Variants in HOMER2 observed in about 807,000 individuals in gnomAD.
HOMER2 encodes homer protein homolog 2.
A neutral mutation model predicts 47.0 loss-of-function variants in HOMER2; 27 were observed. The ratio of observed to expected loss-of-function variants is 0.57; its 90% CI spans 0.42 to 0.79. The LOEUF is 0.79. Ranked by LOEUF, HOMER2 falls within the 30% of genes least tolerant of loss-of-function variation. The pLI is 0.00. For missense variants in HOMER2, 443 were observed against 435.0 expected (o/e 1.02, Z -0.16); for synonymous variants, 161 against 163.8 (o/e 0.98, Z 0.13).
intron 1 of HOMER2, among the ~76,000 whole-genome samples, chr15:82,976,527 G>C (rs1333169543): frequency 1.3e-5 from 2 of 151,914 alleles, no homozygotes; most frequent in Non-Finnish European, 2.9e-5. Flanking sequence ...TCGAACTCCT[G>C]ACCTCAGGTG....
rs1051936 is a variant in HOMER2, at chr15:82,859,073, G to T, written c.450C>A (p.His150Gln). ...KASHAGPANTHLKSENDKLKI... is the reference protein window; with the variant it reads ...KASHAGPANTQLKSENDKLKI... The stretch of plus-strand genomic sequence containing the variant: ...TCAGCTTGTCATTCTCAGACTTCAG[G>T]TGTGTGTTGGCTGGACCGGCGTGAG... The change falls in exon 5 of 9, where the codon CAC becomes CAA. Residue 150 changes from histidine to glutamine, a missense_variant. His to Gln is a conservative substitution (Grantham distance 24). Coordinates refer to ENST00000450735, the MANE Select transcript of HOMER2 (RefSeq NM_004839.4). The T allele has an allele frequency of 6.2e-7, 1 of 1,613,992 alleles. No homozygotes were observed. The highest frequency in any genetic ancestry group is 1.1e-5 in the South Asian group (1 of 91,082).
At chr15:82,957,422 T>G (rs560705112), upstream of HOMER2, among the ~76,000 whole-genome samples, 1 of 152,172 alleles carries the variant, frequency 6.6e-6, no homozygotes, top group African/African-American at 2.4e-5. Flanking sequence ...AAATTTTCAT[T>G]TATTGTGACT....
intron 1 of HOMER2, among the ~76,000 whole-genome samples, chr15:82,920,843 A>G (rs1408671471): frequency 6.6e-6 from 1 of 151,544 alleles, no homozygotes; most frequent in African/African-American, 2.4e-5. Context: ...GGGGTAAAAC[A>G]ATCTTTTTTT....
intron 6 of HOMER2, among the ~76,000 whole-genome samples, chr15:82,854,010 C>A (rs2151606579): frequency 6.6e-6 from 1 of 152,304 alleles, no homozygotes; most frequent in East Asian, 1.9e-4. Flanking sequence ...GGTCACTGAA[C>A]CACAGAAATG....
chr15:82,909,857 G>T (rs1331555567), intron 1 of HOMER2, among the ~76,000 whole-genome samples: 1 of 152,068 alleles, frequency 6.6e-6, no homozygotes, highest in Non-Finnish European at 1.5e-5. Flanking sequence ...TGTTTCAGCT[G>T]GGTGCGGTGG....
Position 82,919,502 on chromosome 15 carries a change from G to A in HOMER2, c.6-26661C>T, listed in dbSNP as rs1400932655. On this transcript the variant is annotated intron_variant, in intron 1 of 8. Transcript: ENST00000450735. ...TCTCATACATAATCATACATTACTA[G>A]TATAATAATCCAATTATCCAACTCT... is the stretch of plus-strand genomic sequence containing the variant. Among the ~76,000 whole-genome samples, 5 of 152,238 alleles carry A rather than the reference G, an allele frequency of 3.3e-5. No individual in the cohort carries two copies. The East Asian group carries it at 9.6e-4, about 29-fold the overall frequency.
At chr15:82,840,923 A>G (rs2151582534) in exon 2 of HOMER2, 1 of 152,254 alleles carries the variant, frequency 6.6e-6, no homozygotes, top group African/African-American at 2.4e-5. Flanking sequence ...AAATGTTTCC[A>G]GGGCATAGAA....
intron 6 of HOMER2, among the ~76,000 whole-genome samples, 195 bp downstream of exon 6, chr15:82,854,449 A>G (rs1301922897): frequency 6.6e-6 from 1 of 152,098 alleles, no homozygotes; most frequent in Non-Finnish European, 1.5e-5. Flanking sequence ...TAATGAGTCA[A>G]TTATGTACGT....
downstream of HOMER2, chr15:82,844,509 GATT>G (rs2151586517): frequency 6.6e-6 from 1 of 152,188 alleles, no homozygotes; most frequent in African/African-American, 2.4e-5. Flanking sequence ...TGTATAATAT[GATT>G]ATATTTCATG....
At chr15:82,890,552 C>G (rs1050625582) in intron 2 of HOMER2, among the ~76,000 whole-genome samples, 1 of 152,172 alleles carries the variant, frequency 6.6e-6, no homozygotes, top group Non-Finnish European at 1.5e-5. Flanking sequence ...CCCTCCCACA[C>G]CCATCTGATT....
At chr15:82,843,626 T>C (rs944657952) in exon 2 of HOMER2, 3 of 151,808 alleles carry the variant, frequency 2.0e-5, no homozygotes, top group African/African-American at 7.3e-5. Flanking sequence ...TGTTTTACAA[T>C]GTTTATGAAA....
chr15:82,951,897 C>T, intron 1 of HOMER2: 1 of 240,214 alleles, frequency 4.2e-6, no homozygotes, highest in African/African-American at 2.3e-5. Flanking sequence ...AGAGAGACGC[C>T]GAGGGGAAAG....
chr15:82,976,379 C>T (rs1490849380), intron 1 of HOMER2, among the ~76,000 whole-genome samples: 1 of 152,022 alleles, frequency 6.6e-6, no homozygotes, highest in African/African-American at 2.4e-5. Flanking sequence ...CTCATTGCAA[C>T]CTCCGCACCC....
At chr15:82,859,911 G>A (rs1189776521) in intron 4 of HOMER2, among the ~76,000 whole-genome samples, 2 of 152,006 alleles carry the variant, frequency 1.3e-5, no homozygotes, top group African/African-American at 4.8e-5. Flanking sequence ...AAAAACCCGG[G>A]GGGTGGGGAG....
chr15:82,910,730 C>A (rs2053428252), intron 1 of HOMER2, among the ~76,000 whole-genome samples: 1 of 152,206 alleles, frequency 6.6e-6, no homozygotes, highest in African/African-American at 2.4e-5. Flanking sequence ...TTGCTCCCTT[C>A]TAAATTCCTC....
exon 2 of HOMER2, chr15:82,840,756 A>C (rs570517944): frequency 6.6e-6 from 1 of 152,256 alleles, no homozygotes; most frequent in African/African-American, 2.4e-5. Context: ...AAATTGCCAA[A>C]AACTTACAGA....
chr15:82,939,252 G>C (rs1239082347), intron 1 of HOMER2, among the ~76,000 whole-genome samples: 1 of 152,142 alleles, frequency 6.6e-6, no homozygotes, highest in African/African-American at 2.4e-5. Flanking sequence ...GCACAGCCTA[G>C]AAACATACAC....
At chr15:82,947,757 T>A (rs1369389378) in intron 1 of HOMER2, among the ~76,000 whole-genome samples, 1 of 152,194 alleles carries the variant, frequency 6.6e-6, no homozygotes, top group African/African-American at 2.4e-5. Flanking sequence ...CAGGCCAGCA[T>A]CCAAGCAAGG....
At chr15:82,929,036 G>C (rs2053936000) in intron 1 of HOMER2, among the ~76,000 whole-genome samples, 1 of 145,220 alleles carries the variant, frequency 6.9e-6, no homozygotes, top group African/African-American at 2.6e-5. Context: ...GTATGGAAAA[G>C]ATTCTGATTC....
Sources: gnomAD v4.1 joint callset for allele counts (sites outside exome capture counted in the v4.1 genomes callset) on GRCh38, gnomAD v4.1.1 for gene constraint, MANE v1.5 for transcripts, NCBI Gene and HGNC (gene_info 2026-07-23, HGNC 2026-07-21) for gene names.